The following DNAJC6 variants were observed in gnomAD, a reference collection of about 807,000 sequenced individuals.
DNAJC6 encodes auxilin.
In DNAJC6, 34 loss-of-function variants were observed where a neutral mutation model predicts 110.0. That is an observed-to-expected ratio of 0.31 (90% CI 0.24 to 0.41). DNAJC6 has a LOEUF of 0.41. DNAJC6 is among the 10% of genes least tolerant of loss of function. The probability of loss-of-function intolerance (pLI) is 1.00; values close to 1 mark genes in which losing one functional copy is unlikely to be tolerated. For missense variants in DNAJC6, 1,031 were observed against 1,207.8 expected (o/e 0.85, Z 2.17); for synonymous variants, 406 against 437.2 (o/e 0.93, Z 0.89).
intron 17 of DNAJC6, 107 bp from the exon 18 acceptor site, chr1:65,411,143 A>G (rs1483871516): frequency 1.6e-5 from 18 of 1,133,216 alleles, no homozygotes; most frequent in Non-Finnish European, 2.1e-5. Context: ...AGGTTGCCCT[A>G]AGTGTTTTGA....
At position 65,415,396 on chromosome 1, in the gene DNAJC6, C is replaced by T. The variant is rs1238596832; in HGVS notation, c.*2371C>T. 1 of 151,178 alleles carries T rather than the reference C, an allele frequency of 6.6e-6. No homozygotes were observed. The highest frequency in any genetic ancestry group is 6.6e-5 in the Admixed American group (1 of 15,132). 9.4% of individuals were successfully genotyped at this position (151,178 alleles called of 1,614,324 possible). A position where few individuals can be genotyped will look rare whatever the true frequency, so the allele number is the denominator to read the frequency against. ...GAGGAGAGAATACAAAAAGCATGCA[C>T]CAAAATGTAATCTGACAGGATTTCT... On this transcript the variant is annotated 3_prime_UTR_variant, in exon 19 of 19. Coordinates refer to ENST00000371069, the MANE Select transcript of DNAJC6 (RefSeq NM_001256864.2).
intron 1 of DNAJC6, among the ~76,000 whole-genome samples, chr1:65,328,543 T>C (rs758941154): frequency 1.2e-4 from 18 of 152,234 alleles, no homozygotes; most frequent in Non-Finnish European, 2.2e-4. Flanking sequence ...TGTGTGTATG[T>C]TAAGTTCCAC....
chr1:65,310,760 A>G (rs1297191915), intron 1 of DNAJC6, among the ~76,000 whole-genome samples: 1 of 152,164 alleles, frequency 6.6e-6, no homozygotes, highest in Non-Finnish European at 1.5e-5. Flanking sequence ...TAATATATCC[A>G]TGTTGGACTA....
intron 1 of DNAJC6, among the ~76,000 whole-genome samples, chr1:65,334,244 A>G (rs1570290646): frequency 6.6e-6 from 1 of 152,242 alleles, no homozygotes. Context: ...CTTAAGCTTG[A>G]CAGCCTCTGG....
intron 4 of DNAJC6, 64 bp from the exon 5 acceptor site, chr1:65,379,338 G>A (rs937113628): frequency 1.3e-6 from 2 of 1,599,200 alleles, no homozygotes; most frequent in Non-Finnish European, 1.7e-6. Context: ...TGGTTGGTGT[G>A]ATAACCTGCT....
At chr1:65,392,208 C>T (rs964530614) in intron 11 of DNAJC6, among the ~76,000 whole-genome samples, 5 of 152,142 alleles carry the variant, frequency 3.3e-5, no homozygotes, top group Non-Finnish European at 7.3e-5. Flanking sequence ...CTCCAGAGTT[C>T]CTGCTCCTTA....
At chr1:65,412,276 T>C (rs1266922303) in intron 18 of DNAJC6, among the ~76,000 whole-genome samples, 2 of 152,218 alleles carry the variant, frequency 1.3e-5, no homozygotes, top group African/African-American at 4.8e-5. Context: ...CATGGACAAA[T>C]GAAATCATCA....
chr1:65,307,020 A>C (rs6688243), upstream of DNAJC6, among the ~76,000 whole-genome samples: 2,941 of 79,300 alleles, frequency 0.037, 15 homozygotes, highest in Non-Finnish European at 0.051. Context: ...CTCTCTCTCT[A>C]TATATATATA....
At chr1:65,398,537 G>A (rs10889548) in intron 13 of DNAJC6, among the ~76,000 whole-genome samples, 12 of 152,170 alleles carry the variant, frequency 7.9e-5, no homozygotes, top group Admixed American at 2.0e-4. Flanking sequence ...AACTCAAAGC[G>A]TGTGGATATG....
chr1:65,348,219 C>A (rs1570310002), intron 1 of DNAJC6, among the ~76,000 whole-genome samples: 1 of 152,278 alleles, frequency 6.6e-6, no homozygotes, highest in Non-Finnish European at 1.5e-5. Flanking sequence ...ATTTTTTAAC[C>A]TTTTGAAATT....
At chr1:65,303,728 T>TTTTG (rs888838922) in intron 1 of DNAJC6, among the ~76,000 whole-genome samples, 5 of 152,154 alleles carry the variant, frequency 3.3e-5, no homozygotes, top group East Asian at 1.9e-4. Context: ...CCAGCTAATT[T>TTTTG]TTTGTTTGTT....
At chr1:65,324,353 GTT>G (rs1289716166) in intron 1 of DNAJC6, among the ~76,000 whole-genome samples, 1 of 150,606 alleles carries the variant, frequency 6.6e-6, no homozygotes, top group Non-Finnish European at 1.5e-5. Context: ...AGTTTTTTTT[GTT>G]TGTTTTGTTT....
Position 65,309,942 on chromosome 1 carries a change from G to C in DNAJC6, c.193+4G>C. On this transcript the variant is annotated splice_donor_region_variant and intron_variant, in intron 1 of 18. Coordinates refer to ENST00000371069, the MANE Select transcript of DNAJC6 (RefSeq NM_001256864.2). ...GCCAGCACCATGGACAGCTCAGGTAGCGCTGCCCGAGGGGAGTGCAGCGCT... is the reference window on the plus strand; with the variant it reads ...GCCAGCACCATGGACAGCTCAGGTACCGCTGCCCGAGGGGAGTGCAGCGCT... The C allele has an allele frequency of 6.9e-7, 1 of 1,456,094 alleles. No homozygotes were observed. The allele number at this position is 1,456,094 out of a possible 1,614,324, so 90.2% of individuals were successfully genotyped here. A position where few individuals can be genotyped will look rare whatever the true frequency, so the allele number is the denominator to read the frequency against.
intron 5 of DNAJC6, among the ~76,000 whole-genome samples, chr1:65,380,944 G>A (rs1382181683): frequency 8.6e-5 from 7 of 80,966 alleles, no homozygotes; most frequent in African/African-American, 4.9e-4. Context: ...TTTTGGGACC[G>A]AGTCTTGCTC....
At chr1:65,345,747 G>A (rs1645431408) in intron 1 of DNAJC6, 2 of 910,260 alleles carry the variant, frequency 2.2e-6, no homozygotes, top group African/African-American at 1.8e-5. Context: ...TTTGGCCTTT[G>A]GGATTTAGCC....
intron 14 of DNAJC6, among the ~76,000 whole-genome samples, chr1:65,401,077 GATTTTTTTA>G (rs1307071413): frequency 6.6e-6 from 1 of 151,844 alleles, no homozygotes; most frequent in Non-Finnish European, 1.5e-5. Flanking sequence ...GTGTTGTTAG[GATTTTTTTA>G]TACATCTGTT....
intron 1 of DNAJC6, among the ~76,000 whole-genome samples, chr1:65,331,874 A>C (rs1043670814): frequency 1.3e-5 from 2 of 152,218 alleles, no homozygotes; most frequent in Non-Finnish European, 2.9e-5. Flanking sequence ...ACTGAGGCAC[A>C]GAGCTATCAC....
intron 1 of DNAJC6, among the ~76,000 whole-genome samples, chr1:65,315,756 G>T (rs1274855147): frequency 6.6e-6 from 1 of 152,150 alleles, no homozygotes; most frequent in Non-Finnish European, 1.5e-5. Flanking sequence ...GCACAGAGAG[G>T]TTAAGTTGCG....
chr1:65,387,962 TG>T (rs1384596753), intron 8 of DNAJC6, among the ~76,000 whole-genome samples: 1 of 152,196 alleles, frequency 6.6e-6, no homozygotes, highest in Non-Finnish European at 1.5e-5. Context: ...GGGAGCAGTT[TG>T]TTTTAGCCAG....
Sources: gnomAD v4.1 joint callset for allele counts (sites outside exome capture counted in the v4.1 genomes callset) on GRCh38, gnomAD v4.1.1 for gene constraint, MANE v1.5 for transcripts, NCBI Gene and HGNC (gene_info 2026-07-23, HGNC 2026-07-21) for gene names.